The following TUBA1C variants were observed in gnomAD, a reference collection of about 807,000 sequenced individuals.
TUBA1C encodes the protein tubulin alpha-1C chain.
Under a neutral mutation model 34.9 loss-of-function variants are expected in TUBA1C, and 16 were observed. That is an observed-to-expected ratio of 0.46 (90% confidence interval 0.31 to 0.70). The LOEUF (loss-of-function observed/expected upper bound fraction) is 0.70, where lower values mean the gene tolerates loss of function less well. Ranked by LOEUF, TUBA1C falls within the 30% of genes least tolerant of loss-of-function variation. The pLI, the probability that TUBA1C is intolerant of heterozygous loss-of-function variation, is 0.05. For missense variants in TUBA1C, 329 were observed against 587.3 expected, an observed-to-expected ratio of 0.56 and a Z score of 4.55; for synonymous variants, 177 against 215.9, an observed-to-expected ratio of 0.82 and a Z score of 1.58.
At chr12:49,239,651 A>G (rs1942591600) in intron 1 of TUBA1C, among the ~76,000 whole-genome samples, 1 of 151,702 alleles carries the variant, frequency 6.6e-6, no homozygotes, top group Admixed American at 6.6e-5. Flanking sequence ...AAAAAGAAAA[A>G]AAAAAAAAAG....
chr12:49,269,964 A>G lies in TUBA1C; in HGVS notation c.363A>G (p.Arg121=), dbSNP rs1168666238. 1 of 1,614,084 alleles carries G rather than the reference A, an allele frequency of 6.2e-7. No individual in the cohort carries two copies. The highest frequency in any genetic ancestry group is 2.2e-5 in the East Asian group (1 of 44,896). Residue 121 remains arginine, a synonymous_variant, in exon 3 of 4, where the codon CGA becomes CGG. Coordinates refer to ENST00000301072, the MANE Select transcript of TUBA1C (RefSeq NM_032704.5). The stretch of plus-strand genomic sequence containing the variant: ...AGATCATTGACCTCGTGTTGGACCG[A>G]ATTCGCAAGCTGGTAAGTATAGTAC... ...GKEIIDLVLD[R]IRKLADQCTG...
In TUBA1C at chr12:49,236,072, G is replaced by A. The variant is rs149433569; in HGVS notation, c.213+7906G>A. Among the ~76,000 whole-genome samples, 7 of 152,328 alleles carry A rather than the reference G, an allele frequency of 4.6e-5. No homozygotes were observed. In the East Asian group the frequency reaches 1.3e-3, roughly 29 times the overall value. ...GGGTGACAGAAATGAAATTAATCTG[G>A]GAGTAGGGAGATGTTAAAATGTGGC... On this transcript the variant is annotated intron_variant, in intron 1 of 3. Transcript: ENST00000541364.
Position 49,228,037 on chromosome 12 carries a change from C to T in TUBA1C, c.84C>T (p.Ser28=). The T allele has an allele frequency of 1.3e-6, 2 of 1,535,700 alleles. No homozygotes were observed. Among genetic ancestry groups the T allele is most frequent in the Admixed American group, 2.0e-5 (1 of 51,000 alleles). The change falls in exon 1 of 4, where the codon TCC becomes TCT. Residue 28 remains serine (S), a synonymous_variant. Coordinates refer to the TUBA1C transcript ENST00000541364. ...TGGAATTAGATCCTTCAAATGGATC[C>T]TTTCTGAATGCAAAACTGTACATCT...
At chr12:49,265,234 G>T (rs766666703) in intron 1 of TUBA1C, 50 bp downstream of exon 1, 6 of 1,531,502 alleles carry the variant, frequency 3.9e-6, no homozygotes, top group South Asian at 1.2e-5. Context: ...CCCAGGGGAC[G>T]GCGGGCCCGG....
chr12:49,237,434 A>G (rs537453915), intron 1 of TUBA1C, among the ~76,000 whole-genome samples: 1 of 150,114 alleles, frequency 6.7e-6, no homozygotes, highest in Non-Finnish European at 1.5e-5. Flanking sequence ...AAAGGAAAAA[A>G]GAAAAATAAG....
At chr12:49,242,778 G>A (rs780579404) in intron 1 of TUBA1C, among the ~76,000 whole-genome samples, 7 of 152,120 alleles carry the variant, frequency 4.6e-5, no homozygotes, top group South Asian at 2.1e-4. Flanking sequence ...ATGAGCTACC[G>A]CGCCTGGCTC....
intron 1 of TUBA1C, among the ~76,000 whole-genome samples, chr12:49,258,958 C>A (rs564873204): frequency 6.6e-6 from 1 of 151,856 alleles, no homozygotes; most frequent in Non-Finnish European, 1.5e-5. Flanking sequence ...GGGGTTTCTC[C>A]GTGTTGGTCA....
chr12:49,270,795 A>G (rs952516107), intron 3 of TUBA1C, among the ~76,000 whole-genome samples: 2 of 152,124 alleles, frequency 1.3e-5, no homozygotes, highest in Non-Finnish European at 2.9e-5. Flanking sequence ...CCTGGCTAAC[A>G]TGGTGAAACC....
At chr12:49,238,575 T>C (rs2136991251) in intron 1 of TUBA1C, among the ~76,000 whole-genome samples, 1 of 152,294 alleles carries the variant, frequency 6.6e-6, no homozygotes, top group South Asian at 2.1e-4. Flanking sequence ...TTGGGATCAA[T>C]TAATTTGCTA....
intron 1 of TUBA1C, among the ~76,000 whole-genome samples, chr12:49,266,443 A>AG (rs892763870): frequency 6.6e-6 from 1 of 151,960 alleles, no homozygotes; most frequent in African/African-American, 2.4e-5. Flanking sequence ...ACAAAAAAAA[A>AG]CCCGCAAACC....
At chr12:49,232,130 T>C (rs550805473) in intron 1 of TUBA1C, among the ~76,000 whole-genome samples, 4 of 152,178 alleles carry the variant, frequency 2.6e-5, no homozygotes, top group Admixed American at 2.0e-4. Context: ...TAGTCCCTTG[T>C]TCTGGACACA....
rs376773942 is a variant in TUBA1C at position 49,239,665 on chromosome 12, T to G, written c.213+11499T>G. ...CAAAAAGAAAAAAAAAAAAAAGAAA[T>G]AAATTGCGTGAAGCTGGGTGCAGCT... On this transcript the variant is annotated intron_variant, in intron 1 of 3. Transcript: ENST00000541364. Among the ~76,000 whole-genome samples the G allele has an allele frequency of 2.0e-4, 29 of 145,944 alleles. No individual in the cohort carries two copies. The South Asian group carries it at 4.4e-3, about 22-fold the overall frequency.
At chr12:49,228,019 A>T (rs1344938210) in exon 1 of TUBA1C, 1 of 1,535,638 alleles carries the variant, frequency 6.5e-7, no homozygotes. Context: ...GCTTGGAATT[A>T]GATCCTTCAA....
At chr12:49,234,504 ACGGTGACGTGCAGCGCCAGGGCCTGGGC>A (rs1335079089) in intron 1 of TUBA1C, among the ~76,000 whole-genome samples, 1 of 152,216 alleles carries the variant, frequency 6.6e-6, no homozygotes, top group Non-Finnish European at 1.5e-5. Flanking sequence ...CTTGGTTAGT[ACGGTGACGTGCAGCGCCAGGGCCTGGGC>A]CTGGGCTCGG....
At chr12:49,266,045 G>A (rs1181327884) in intron 1 of TUBA1C, among the ~76,000 whole-genome samples, 1 of 148,250 alleles carries the variant, frequency 6.7e-6, no homozygotes, top group East Asian at 2.0e-4. Flanking sequence ...CAGGAAAATC[G>A]CTTGAACCCA....
intron 1 of TUBA1C, among the ~76,000 whole-genome samples, chr12:49,266,551 G>T (rs990830247): frequency 6.6e-6 from 1 of 151,958 alleles, no homozygotes; most frequent in Non-Finnish European, 1.5e-5. Flanking sequence ...CAGAAGTATT[G>T]AAAACAACTA....
chr12:49,266,752 G>T (rs1942919894), intron 1 of TUBA1C, among the ~76,000 whole-genome samples: 1 of 152,028 alleles, frequency 6.6e-6, no homozygotes, highest in Non-Finnish European at 1.5e-5. Context: ...GGGAGGCAGG[G>T]GTGGGAGGAT....
intron 1 of TUBA1C, among the ~76,000 whole-genome samples, chr12:49,241,713 G>A (rs1398731935): frequency 6.7e-6 from 1 of 148,356 alleles, no homozygotes; most frequent in African/African-American, 2.5e-5. Flanking sequence ...GCAATGGCGC[G>A]ATCTCAGCTC....
At chr12:49,248,280 A>T (rs1003927555) in intron 1 of TUBA1C, among the ~76,000 whole-genome samples, 1 of 150,756 alleles carries the variant, frequency 6.6e-6, no homozygotes, top group Admixed American at 6.6e-5. Flanking sequence ...TCTCAAAAGT[A>T]AAAAAAAAGA....
Sources: allele counts gnomAD v4.1 joint callset (sites outside exome capture counted in the v4.1 genomes callset), GRCh38; gene constraint gnomAD v4.1.1; transcripts MANE v1.5; gene names NCBI Gene and HGNC (gene_info 2026-07-23, HGNC 2026-07-21).